Variants in GRIN3B observed in about 807,000 individuals in gnomAD.
GRIN3B encodes glutamate ionotropic receptor NMDA type subunit 3B, also known as glutamate receptor ionotropic, NMDA 3B.
A neutral mutation model predicts 66.0 loss-of-function variants in GRIN3B; 77 were observed. The ratio of observed to expected loss-of-function variants is 1.17; its 90% CI spans 0.97 to 1.41. The LOEUF (loss-of-function observed/expected upper bound fraction) is 1.41. Among genes scored for constraint, GRIN3B ranks in the 40% most tolerant of loss-of-function variants. GRIN3B has a pLI of 0.00. For synonymous variants in GRIN3B, 823 were observed against 749.7 expected, an observed-to-expected ratio of 1.10 and a Z score of -1.60; for missense variants, 1,787 against 1,564.5, an observed-to-expected ratio of 1.14 and a Z score of -2.40.
Position 1,005,658 on chromosome 19 carries a change from T to G in GRIN3B, c.2052+105T>G. ...TCAGCTGGACGTGGAGGACGTCCACTAGGCCAACTCTGGTCCCAAGAGACA... is the reference window on the plus strand; with the variant it reads ...TCAGCTGGACGTGGAGGACGTCCACGAGGCCAACTCTGGTCCCAAGAGACA... On this transcript the variant is annotated intron_variant, in intron 3 of 8. Coordinates refer to ENST00000234389, the MANE Select transcript of GRIN3B (RefSeq NM_138690.3). This position sits in a 1 kb window ranked among gnomAD's most constrained non-coding sequence, Gnocchi z 5.2. 1 of 817,648 alleles carries G rather than the reference T, an allele frequency of 1.2e-6. No homozygotes were observed. The highest frequency in any genetic ancestry group is 1.9e-6 in the Non-Finnish European group (1 of 529,520). 50.6% of individuals were successfully genotyped at this position (817,648 alleles called of 1,614,324 possible).
chr19:1,008,172 C>T lies in GRIN3B; in HGVS notation c.2347C>T (p.Leu783Phe), dbSNP rs1264373888. 3 of 1,606,330 alleles carry T rather than the reference C, an allele frequency of 1.9e-6. No individual in the cohort carries two copies. In the South Asian group the frequency reaches 3.4e-5, roughly 18 times the overall value. Residue 783 changes from leucine (L) to phenylalanine (F), a missense_variant, in exon 6 of 9, where the codon CTC becomes TTC. Coordinates refer to ENST00000234389, the MANE Select transcript of GRIN3B (RefSeq NM_138690.3). The part of the protein sequence containing the change: ...YGIGLPQNSP[L>F]TSNLSEFISR... ...GATCGGACTGCCCCAGAACTCGCCG[C>T]TCACCTCCAACCTGTCCGAGTTCAT...
Position 1,003,176 on chromosome 19 carries a change from T to C in GRIN3B, c.473T>C (p.Leu158Pro), listed in dbSNP as rs748195921. ...CACTGGGCCAGCCCCCTGGAGACGC[T>C]GCTGGATGTGCTGGTGGCGGTGCTG... Reference protein sequence around the residue: ...QLHWASPLETLLDVLVAVLQA... With the variant: ...QLHWASPLETPLDVLVAVLQA... The change falls in exon 2 of 9, where the codon CTG (leucine) becomes CCG (proline). Residue 158 changes from leucine (L) to proline (P), a missense_variant. Coordinates refer to ENST00000234389, the MANE Select transcript of GRIN3B (RefSeq NM_138690.3). 2 of 1,503,828 alleles carry C rather than the reference T, an allele frequency of 1.3e-6. No homozygotes were observed. The highest frequency in any genetic ancestry group is 1.3e-5 in the South Asian group (1 of 74,928). The allele number at this position is 1,503,828 out of a possible 1,614,324, so 93.2% of individuals were successfully genotyped here. A position where few individuals can be genotyped will look rare whatever the true frequency, so the allele number is the denominator to read the frequency against.
At position 1,003,663 on chromosome 19, in the gene GRIN3B, G is replaced by T. The variant is rs555038728; in HGVS notation, c.960G>T (p.Pro320=). 7.1e-7 allele frequency: 1 copy of T among 1,411,078 alleles called. No individual in the cohort carries two copies. The highest frequency in any genetic ancestry group is 9.2e-7 in the Non-Finnish European group (1 of 1,088,970). 87.4% of individuals were successfully genotyped at this position (1,411,078 alleles called of 1,614,324 possible). ...CGAAGCGAGCCCTCCTCCCCGCCCC[G>T]GTCAACTGCGGGGACCTGCAGCCGG... ...VQPKRALLPA[P]VNCGDLQPAG... is the part of the protein sequence containing the mutation. Residue 320 remains proline, a synonymous_variant, in exon 2 of 9, where the codon CCG becomes CCT. Coordinates refer to ENST00000234389, the MANE Select transcript of GRIN3B (RefSeq NM_138690.3).
chr19:1,008,845 C>T lies in GRIN3B; in HGVS notation c.2632-12C>T. On this transcript the variant is annotated splice_polypyrimidine_tract_variant and intron_variant, in intron 7 of 8. Coordinates refer to ENST00000234389, the MANE Select transcript of GRIN3B (RefSeq NM_138690.3). Reference sequence around the variant, plus strand: ...CCGCCTCCTCGCCAACCGGGTCTGTCTGGGGTCTTAGAAAATCCACCGCGC... The same window carrying T: ...CCGCCTCCTCGCCAACCGGGTCTGTTTGGGGTCTTAGAAAATCCACCGCGC... The T allele has an allele frequency of 6.3e-7, 1 of 1,599,268 alleles. No individual in the cohort carries two copies. The highest frequency in any genetic ancestry group is 1.3e-5 in the African/African-American group (1 of 74,550).
rs1463029351 is a variant in GRIN3B, at chr19:1,007,384, C to T, written c.2053-244C>T. 1.3e-5 allele frequency among the ~76,000 whole-genome samples: 2 copies of T among 152,024 alleles called. No individual in the cohort carries two copies. Among genetic ancestry groups the T allele is most frequent in the African/African-American group, 4.8e-5 (2 of 41,370 alleles). Reference sequence around the variant, plus strand: ...GAGATGGACTTGCCGGCGTTTAGAACAGAGGGTCTCCACCCGGGGTGATCC... The same window carrying T: ...GAGATGGACTTGCCGGCGTTTAGAATAGAGGGTCTCCACCCGGGGTGATCC... On this transcript the variant is annotated intron_variant, in intron 3 of 8. Transcript: ENST00000234389. This position sits in a 1 kb window ranked among gnomAD's most constrained non-coding sequence, Gnocchi z 4.4.
chr19:1,004,395 C>A, intron 2 of GRIN3B, 126 bp from the exon 3 acceptor site: 1 of 795,586 alleles, frequency 1.3e-6, no homozygotes, highest in Non-Finnish European at 2.0e-6. Context: ...ACACCAGGAG[C>A]GTCCACGTTT....
intron 1 of GRIN3B, 138 bp downstream of exon 1, chr19:1,001,001 C>T: frequency 1.0e-6 from 1 of 978,164 alleles, no homozygotes; most frequent in East Asian, 3.3e-5. Flanking sequence ...GGACGGGCCC[C>T]AGGGATCAGG....
rs887502129 is a variant in GRIN3B at position 1,003,406 on chromosome 19, G to A, written c.703G>A (p.Ala235Thr). The change falls in exon 2 of 9, where the codon GCG becomes ACG. Residue 235 changes from alanine to threonine, a missense_variant. Coordinates refer to ENST00000234389, the MANE Select transcript of GRIN3B (RefSeq NM_138690.3). ...PVGGEAPVPA[A>T]VLLGCDIARA... ...GGGGGGTGAAGCACCGGTACCCGCG[G>A]CGGTCCTCCTCGGCTGTGACATCGC... The A allele has an allele frequency of 3.9e-6, 6 of 1,552,470 alleles. No homozygotes were observed. In the African/African-American group the frequency reaches 4.1e-5, roughly 11 times the overall value.
intron 3 of GRIN3B, among the ~76,000 whole-genome samples, chr19:1,006,433 C>T (rs1056116611): frequency 6.6e-5 from 10 of 150,986 alleles, no homozygotes; most frequent in Non-Finnish European, 1.3e-4. Context: ...TGTGAGCCAC[C>T]ACATCTGGCC....
chr19:1,008,814 C>A (rs1270467295), intron 7 of GRIN3B, 32 bp downstream of exon 7: 3 of 1,548,524 alleles, frequency 1.9e-6, no homozygotes, highest in South Asian at 1.2e-5. Context: ...GGCGGCCCCA[C>A]CCCCCCCGCC....
chr19:1,007,762 C>A lies in GRIN3B; in HGVS notation c.2187C>A (p.Val729=). The A allele has an allele frequency of 4.0e-6, 6 of 1,515,536 alleles. No individual in the cohort carries two copies. In the South Asian group the frequency reaches 5.0e-5, roughly 13 times the overall value. 93.9% of individuals were successfully genotyped at this position (1,515,536 alleles called of 1,614,324 possible). ...RHSAPTTPRG[V]AMLTSDPPKL... is the part of the protein sequence containing the mutation. ...GCGCGCCCACCACGCCCCGCGGCGT[C>A]GCCATGCTCACGTGAGCCCGGGCGC... is the stretch of plus-strand genomic sequence containing the variant. Residue 729 remains valine (V), a synonymous_variant, in exon 4 of 9, where the codon GTC becomes GTA. Coordinates refer to ENST00000234389, the MANE Select transcript of GRIN3B (RefSeq NM_138690.3). The surrounding 1 kb of genome is among the most constrained non-coding windows in gnomAD (Gnocchi z 4.4).
rs746635211 is a variant in GRIN3B, at chr19:1,008,886, A to T, written c.2661A>T (p.Pro887=). 1.2e-6 allele frequency: 2 copies of T among 1,606,372 alleles called. No homozygotes were observed. The highest frequency in any genetic ancestry group is 1.7e-6 in the Non-Finnish European group (2 of 1,176,782). Residue 887 remains proline, a synonymous_variant, in exon 8 of 9, where the codon CCA becomes CCT. Transcript: ENST00000234389. The part of the protein sequence containing the change: ...QKIHRALNTE[P]PEGSKEETAE... Reference sequence around the variant, plus strand: ...TCCACCGCGCCCTCAACACGGAGCCACCAGAGGGGTCGAAGGAGGAGACGG... The same window carrying T: ...TCCACCGCGCCCTCAACACGGAGCCTCCAGAGGGGTCGAAGGAGGAGACGG...
In GRIN3B at chr19:1,003,183, T is replaced by C. The variant is rs777200765; in HGVS notation, c.480T>C (p.Asp160=). The C allele has an allele frequency of 1.3e-6, 2 of 1,512,150 alleles. No homozygotes were observed. Among genetic ancestry groups the C allele is most frequent in the Non-Finnish European group, 1.8e-6 (2 of 1,132,822 alleles). The allele number at this position is 1,512,150 out of a possible 1,614,324, so 93.7% of individuals were successfully genotyped here. A position where few individuals can be genotyped will look rare whatever the true frequency, so the allele number is the denominator to read the frequency against. Reference sequence around the variant, plus strand: ...CCAGCCCCCTGGAGACGCTGCTGGATGTGCTGGTGGCGGTGCTGCAGGCGC... The same window carrying C: ...CCAGCCCCCTGGAGACGCTGCTGGACGTGCTGGTGGCGGTGCTGCAGGCGC... The part of the protein sequence containing the change: ...HWASPLETLL[D]VLVAVLQAHA... Residue 160 remains aspartate (D), a synonymous_variant, in exon 2 of 9, where the codon GAT becomes GAC. Coordinates refer to ENST00000234389, the MANE Select transcript of GRIN3B (RefSeq NM_138690.3).
Position 1,009,304 on chromosome 19 carries a change from C to T in GRIN3B, c.2834C>T (p.Ala945Val). ...CTGCTGGAGCCCGCCGTGGTTGTGG[C>T]ACCCGAAGCGGACGCGGAGGCGGAG... ...RFLLEPAVVV[A>V]PEADAEAEAA... is the part of the protein sequence containing the mutation. The change falls in exon 9 of 9, where the codon GCA becomes GTA. Residue 945 changes from alanine to valine, a missense_variant. Coordinates refer to ENST00000234389, the MANE Select transcript of GRIN3B (RefSeq NM_138690.3). 1 of 1,409,236 alleles carries T rather than the reference C, an allele frequency of 7.1e-7. No homozygotes were observed. Among genetic ancestry groups the T allele is most frequent in the Non-Finnish European group, 9.2e-7 (1 of 1,091,864 alleles). The allele number at this position is 1,409,236 out of a possible 1,614,324, so 87.3% of individuals were successfully genotyped here. A position where few individuals can be genotyped will look rare whatever the true frequency, so the allele number is the denominator to read the frequency against.
rs372649188 is a variant in GRIN3B at position 1,004,549 on chromosome 19, C to T, written c.1048C>T (p.Arg350Cys). ...CCTGGCCAACACGTCCTTCCAGGGC[C>T]GCACGGGCCCCGTGTGGGTGACAGG... Reference protein sequence around the residue: ...RFLANTSFQGRTGPVWVTGSS... With the variant: ...RFLANTSFQGCTGPVWVTGSS... The change falls in exon 3 of 9, where the codon CGC becomes TGC. Residue 350 changes from arginine (R) to cysteine (C), a missense_variant. Arg to Cys is a radical substitution (Grantham distance 180). Coordinates refer to ENST00000234389, the MANE Select transcript of GRIN3B (RefSeq NM_138690.3). 1.6e-5 allele frequency: 26 copies of T among 1,607,690 alleles called. No individual in the cohort carries two copies. Among genetic ancestry groups the T allele is most frequent in the African/African-American group, 6.7e-5 (5 of 74,754 alleles).
In GRIN3B at chr19:1,007,867, C is replaced by A. The variant is rs148406831; in HGVS notation, c.2210C>A (p.Pro737His). Residue 737 changes from proline to histidine, a missense_variant, in exon 5 of 9, where the codon CCC (proline) becomes CAC (histidine). By Grantham distance (77) the Pro-to-His change is moderately conservative. Transcript: ENST00000234389. This position sits in a 1 kb window ranked among gnomAD's most constrained non-coding sequence, Gnocchi z 4.4. ...RGVAMLTSDP[P>H]KLNAFIMDKS... is the part of the protein sequence containing the mutation. ...CCCGGCCCCAGCAGGAGCGACCCCC[C>A]CAAGCTCAACGCCTTCATCATGGAC... The A allele has an allele frequency of 3.6e-3, 5,829 of 1,610,794 alleles. 16 individuals are homozygous for A. Among genetic ancestry groups the A allele is most frequent in the Middle Eastern group, 4.5e-3 (27 of 6,052 alleles).
At position 1,008,370 on chromosome 19, in the gene GRIN3B, C is replaced by T. The variant is rs981185942; in HGVS notation, c.2466+79C>T. ...TGAGCCTTGTCTGAAGTGACCAACC[C>T]CAGTGCTCATTCCCCAGACGTGCGT... On this transcript the variant is annotated intron_variant, in intron 6 of 8. Coordinates refer to ENST00000234389, the MANE Select transcript of GRIN3B (RefSeq NM_138690.3). The T allele has an allele frequency of 1.5e-5, 20 of 1,315,998 alleles. No homozygotes were observed. In the African/African-American group the frequency reaches 2.3e-4, roughly 15 times the overall value. The allele number at this position is 1,315,998 out of a possible 1,614,324, so 81.5% of individuals were successfully genotyped here.
chr19:1,008,991 C>T, intron 8 of GRIN3B, 64 bp downstream of exon 8: 1 of 1,540,880 alleles, frequency 6.5e-7, no homozygotes, highest in East Asian at 2.4e-5. Flanking sequence ...CACCAGCTCG[C>T]CCCGAAGCCG....
In GRIN3B at chr19:1,008,731, G is replaced by A. The variant is rs1234240852; in HGVS notation, c.2580G>A (p.Leu860=). 5.0e-6 allele frequency: 8 copies of A among 1,608,658 alleles called. No homozygotes were observed. The highest frequency in any genetic ancestry group is 6.8e-6 in the Non-Finnish European group (8 of 1,178,622). ...AGCACGCCTTCTTCCGCCTGGCGCT[G>A]CCGCGCATCCGCAAGGGGAGCAGGC... ...LGEHAFFRLA[L]PRIRKGSRLQ... The change falls in exon 7 of 9, where the codon CTG becomes CTA. Residue 860 remains leucine (L), a synonymous_variant. Transcript: ENST00000234389.
Sources: gnomAD v4.1 joint callset for allele counts (sites outside exome capture counted in the v4.1 genomes callset) on GRCh38, gnomAD v4.1.1 for gene constraint, Gnocchi (gnomAD v3.1) non-coding constraint, MANE v1.5 for transcripts, NCBI Gene and HGNC (gene_info 2026-07-23, HGNC 2026-07-21) for gene names.